Variants in SYT2 observed in about 807,000 individuals in gnomAD.
SYT2 encodes the protein synaptotagmin-2.
SYT2 carries 15 observed loss-of-function variants against 39.9 expected under a neutral mutation model. The observed-to-expected ratio is 0.38, with a 90% CI of 0.25 to 0.58. The LOEUF (loss-of-function observed/expected upper bound fraction) is 0.58. Among genes scored for constraint, SYT2 ranks in the 20% least tolerant of loss-of-function variants. SYT2 has a pLI of 0.70. For synonymous variants in SYT2, 181 were observed against 204.5 expected (o/e 0.89, Z 0.98); for missense variants, 389 against 530.3 (o/e 0.73, Z 2.62).
At chr1:202,625,397 G>A (rs796992645) in intron 1 of SYT2, among the ~76,000 whole-genome samples, 1 of 20,742 alleles carries the variant, frequency 4.8e-5, no homozygotes, top group African/African-American at 1.3e-4. Flanking sequence ...TGTGTGGTGT[G>A]TAGTAGGGTG....
At chr1:202,666,152 CAAA>C (rs56942389) in intron 1 of SYT2, among the ~76,000 whole-genome samples, 3,532 of 102,886 alleles carry the variant, frequency 0.034, 115 homozygotes, top group African/African-American at 0.12. Context: ...GACTCCGTCT[CAAA>C]AAAAAAAAAA....
chr1:202,694,165 A>G (rs1348183545), intron 1 of SYT2, among the ~76,000 whole-genome samples: 1 of 152,182 alleles, frequency 6.6e-6, no homozygotes, highest in African/African-American at 2.4e-5. Flanking sequence ...GGGGATGAAC[A>G]TCCAAGCCAT....
At chr1:202,618,400 A>AGAGTGTGTGT (rs373647353) in intron 1 of SYT2, among the ~76,000 whole-genome samples, 1 of 148,872 alleles carries the variant, frequency 6.7e-6, no homozygotes, top group East Asian at 2.0e-4. Context: ...GTCTGGTGTG[A>AGAGTGTGTGT]GTGTGTGTGT....
At chr1:202,611,293 T>C (rs757049562) in intron 1 of SYT2, among the ~76,000 whole-genome samples, 4 of 152,246 alleles carry the variant, frequency 2.6e-5, no homozygotes, top group Non-Finnish European at 5.9e-5. Flanking sequence ...TTTGAACATA[T>C]AATTTGCAAA....
intron 1 of SYT2, among the ~76,000 whole-genome samples, chr1:202,624,533 AGT>A (rs1305260839): frequency 9.2e-6 from 1 of 108,280 alleles, no homozygotes; most frequent in Admixed American, 8.7e-5. Context: ...TGTGTAGTAG[AGT>A]GTGGATGTGT....
chr1:202,687,237 C>A (rs539224942), intron 1 of SYT2, among the ~76,000 whole-genome samples: 1 of 152,228 alleles, frequency 6.6e-6, no homozygotes, highest in South Asian at 2.1e-4. Flanking sequence ...TGAGTCCCCT[C>A]CCCCTACGAC....
rs777351067 is a variant in SYT2, at chr1:202,614,895, A to G, written c.-17-9106T>C. Among the ~76,000 whole-genome samples the G allele has an allele frequency of 3.3e-5, 5 of 152,194 alleles. No individual in the cohort carries two copies. Among genetic ancestry groups the G allele is most frequent in the Non-Finnish European group, 5.9e-5 (4 of 68,036 alleles). On this transcript the variant is annotated intron_variant, in intron 1 of 8. Transcript: ENST00000367268. This position sits in a 1 kb window ranked among gnomAD's most constrained non-coding sequence, Gnocchi z 4.0. The stretch of plus-strand genomic sequence containing the variant: ...ATCAGGAGCACCATAGGCCGCGTCA[A>G]GGAGTTTTGTCTTTCCCAAAGAGGA...
intron 1 of SYT2, among the ~76,000 whole-genome samples, chr1:202,619,798 A>C (rs1241653909): frequency 6.6e-6 from 1 of 152,262 alleles, no homozygotes; most frequent in Non-Finnish European, 1.5e-5. Flanking sequence ...AGAGCAGGGC[A>C]GGCAGGAGGA....
intron 1 of SYT2, among the ~76,000 whole-genome samples, chr1:202,648,580 G>T (rs1444525268): frequency 6.6e-6 from 1 of 152,164 alleles, no homozygotes; most frequent in African/African-American, 2.4e-5. Context: ...GTGGGGCAAG[G>T]CATCCAGGAT....
intron 1 of SYT2, chr1:202,639,370 A>G (rs1233720380): frequency 3.4e-6 from 1 of 290,636 alleles, no homozygotes; most frequent in Non-Finnish European, 5.1e-6. Flanking sequence ...AACAGGGAGG[A>G]AGGAAAGAGC....
rs759049773 is a variant in SYT2, at chr1:202,704,446, GAAGT to G, written c.-18+5808_-18+5811del. On this transcript the variant is annotated intron_variant, in intron 1 of 8. Transcript: ENST00000367268. The stretch of plus-strand genomic sequence containing the variant: ...GGAGGAAAAGGCGGGAGGAAAGTAG[GAAGT>G]AAGGAAGGAATGGGGTGCTCTGGCT... Among the ~76,000 whole-genome samples, 7 of 152,200 alleles carry G rather than the reference GAAGT, an allele frequency of 4.6e-5. 1 individual carries two copies. In the East Asian group the frequency reaches 7.7e-4, roughly 17 times the overall value.
At chr1:202,634,633 A>C (rs963380530) in intron 1 of SYT2, among the ~76,000 whole-genome samples, 1 of 152,236 alleles carries the variant, frequency 6.6e-6, no homozygotes, top group Non-Finnish European at 1.5e-5. Flanking sequence ...TCAACCAAAC[A>C]TCCATCAACT....
chr1:202,601,896 C>T lies in SYT2; in HGVS notation c.795G>A (p.Lys265=). The T allele has an allele frequency of 6.2e-7, 1 of 1,613,880 alleles. No individual in the cohort carries two copies. Among genetic ancestry groups the T allele is most frequent in the Non-Finnish European group, 8.5e-7 (1 of 1,179,920 alleles). The change falls in exon 6 of 9, where the codon AAG becomes AAA. Residue 265 remains lysine (K), a synonymous_variant. Coordinates refer to ENST00000367268, the MANE Select transcript of SYT2 (RefSeq NM_177402.5). This position sits in a 1 kb window ranked among gnomAD's most constrained non-coding sequence, Gnocchi z 4.0. ...EEWRDLQGGE[K]EEPEKLGDIC... is the part of the protein sequence containing the mutation. Reference sequence around the variant, plus strand: ...GCCTCATCTCTGCTCTTACCTCCTCCTTTTCCCCGCCTTGCAGGTCTCTCC... The same window carrying T: ...GCCTCATCTCTGCTCTTACCTCCTCTTTTTCCCCGCCTTGCAGGTCTCTCC...
At chr1:202,660,383 C>A (rs1692354299) in intron 1 of SYT2, among the ~76,000 whole-genome samples, 1 of 152,110 alleles carries the variant, frequency 6.6e-6, no homozygotes. Context: ...GCATGTATGC[C>A]CTCAGCTAAT....
chr1:202,611,039 A>C (rs1295038592), intron 1 of SYT2, among the ~76,000 whole-genome samples: 1 of 152,208 alleles, frequency 6.6e-6, no homozygotes, highest in Non-Finnish European at 1.5e-5. Context: ...CAAAAGGACA[A>C]CACTTGTTAT....
At chr1:202,703,900 T>C (rs1654183918) in intron 1 of SYT2, among the ~76,000 whole-genome samples, 1 of 152,234 alleles carries the variant, frequency 6.6e-6, no homozygotes, top group African/African-American at 2.4e-5. Flanking sequence ...AAATTCCGTC[T>C]CTAATTGCAA....
intron 1 of SYT2, among the ~76,000 whole-genome samples, chr1:202,620,279 A>G (rs1460419656): frequency 6.6e-6 from 1 of 152,202 alleles, no homozygotes; most frequent in Admixed American, 6.5e-5. Context: ...GCTGGGAGCA[A>G]TGGGTCCAGG....
At position 202,628,332 on chromosome 1, in the gene SYT2, T is replaced by G. The variant is rs1214559413; in HGVS notation, c.-17-22543A>C. On this transcript the variant is annotated intron_variant, in intron 1 of 8. Coordinates refer to ENST00000367268, the MANE Select transcript of SYT2 (RefSeq NM_177402.5). This position sits in a 1 kb window ranked among gnomAD's most constrained non-coding sequence, Gnocchi z 4.2. ...CCACACCAGGACCTGGGAGAGGTCA[T>G]GAGATGTCTGGGGAGCCCAGCCTGC... Among the ~76,000 whole-genome samples the G allele has an allele frequency of 6.6e-6, 1 of 151,802 alleles. No homozygotes were observed. The highest frequency in any genetic ancestry group is 1.5e-5 in the Non-Finnish European group (1 of 67,932).
chr1:202,627,156 C>A (rs185230970), intron 1 of SYT2, among the ~76,000 whole-genome samples: 1 of 152,362 alleles, frequency 6.6e-6, no homozygotes, highest in Non-Finnish European at 1.5e-5. Context: ...GCCCAGAATT[C>A]TCTTCCCTGG....
Sources: gnomAD v4.1 joint callset for allele counts (sites outside exome capture counted in the v4.1 genomes callset) on GRCh38, gnomAD v4.1.1 for gene constraint, Gnocchi (gnomAD v3.1) non-coding constraint, MANE v1.5 for transcripts, NCBI Gene and HGNC (gene_info 2026-07-23, HGNC 2026-07-21) for gene names.